The following TENM3 variants were observed in gnomAD, a reference collection of about 807,000 sequenced individuals.
TENM3 encodes the protein teneurin transmembrane protein 3, also known as teneurin-3.
In TENM3, 63 loss-of-function variants were observed where a neutral mutation model predicts 255.1. The observed-to-expected ratio is 0.25, with a 90% CI of 0.20 to 0.30. The LOEUF is 0.30. Ranked by LOEUF, TENM3 falls within the 10% of genes least tolerant of loss-of-function variation. TENM3 has a pLI of 1.00. For missense variants in TENM3, 2,929 were observed against 3,461.1 expected (o/e 0.85, Z 3.86); for synonymous variants, 1,306 against 1,322.3 (o/e 0.99, Z 0.27).
intron 3 of TENM3, among the ~76,000 whole-genome samples, chr4:182,386,920 G>A (rs1014279962): frequency 6.6e-6 from 1 of 152,246 alleles, no homozygotes; most frequent in African/African-American, 2.4e-5. Flanking sequence ...GACCGCCCAA[G>A]GGCTGAGGAG....
At chr4:182,667,785 A>G (rs1269451044) in intron 6 of TENM3, among the ~76,000 whole-genome samples, 1 of 140,830 alleles carries the variant, frequency 7.1e-6, no homozygotes, top group African/African-American at 2.6e-5. Context: ...GGGGTCACAC[A>G]CCGGGGCCTA....
At chr4:182,139,221 G>GC (rs999566247), upstream of TENM3, among the ~76,000 whole-genome samples, 14 of 152,182 alleles carry the variant, frequency 9.2e-5, no homozygotes, top group Admixed American at 7.9e-4. Context: ...TGGAAGCACT[G>GC]CCAACGGGAG....
chr4:182,008,001 T>C, the TENM3 span, among the ~76,000 whole-genome samples: 1 of 152,226 alleles, frequency 6.6e-6, no homozygotes, highest in Non-Finnish European at 1.5e-5. Flanking sequence ...TGGCTGGATA[T>C]GAAATTCTGG....
chr4:182,635,593 C>T (rs1025319171), intron 5 of TENM3, among the ~76,000 whole-genome samples: 3 of 152,038 alleles, frequency 2.0e-5, no homozygotes, highest in South Asian at 2.1e-4. Flanking sequence ...TATAGCAAAC[C>T]GGAGAACTAC....
the TENM3 span, among the ~76,000 whole-genome samples, chr4:182,097,560 T>A: frequency 6.6e-6 from 1 of 152,142 alleles, no homozygotes; most frequent in African/African-American, 2.4e-5. Context: ...AACTGGGGAT[T>A]TGTAGATTTA....
At chr4:181,916,386 G>A in the TENM3 span, among the ~76,000 whole-genome samples, 9 of 151,994 alleles carry the variant, frequency 5.9e-5, no homozygotes, top group Admixed American at 6.6e-5. Context: ...ACGTAAAACC[G>A]GCTAATAAAC....
At chr4:182,360,524 T>G (rs1201469287) in intron 3 of TENM3, among the ~76,000 whole-genome samples, 1 of 151,308 alleles carries the variant, frequency 6.6e-6, no homozygotes, top group African/African-American at 2.4e-5. Flanking sequence ...GTCTGTTTTA[T>G]CAGAGACTAG....
At chr4:182,709,873 T>G (rs1341281387) in intron 12 of TENM3, among the ~76,000 whole-genome samples, 1 of 152,204 alleles carries the variant, frequency 6.6e-6, no homozygotes, top group Admixed American at 6.5e-5. Context: ...TGTTAAGAGT[T>G]GCAAATATTT....
chr4:182,333,695 T>C (rs946225533), intron 2 of TENM3, among the ~76,000 whole-genome samples: 1 of 152,188 alleles, frequency 6.6e-6, no homozygotes, highest in Non-Finnish European at 1.5e-5. Context: ...CTCACAATTA[T>C]TATTCAAAAT....
At chr4:182,500,961 T>A (rs1009241068) in intron 3 of TENM3, among the ~76,000 whole-genome samples, 1 of 152,134 alleles carries the variant, frequency 6.6e-6, no homozygotes, top group Non-Finnish European at 1.5e-5. Flanking sequence ...CAACCTAATA[T>A]TTCTGGGTGG....
At chr4:182,360,541 A>C (rs954146976) in intron 3 of TENM3, among the ~76,000 whole-genome samples, 1 of 151,622 alleles carries the variant, frequency 6.6e-6, no homozygotes, top group Non-Finnish European at 1.5e-5. Flanking sequence ...CTAGGATTGC[A>C]ACCCCTGCCT....
intron 3 of TENM3, among the ~76,000 whole-genome samples, chr4:182,508,146 G>A (rs922015602): frequency 2.0e-5 from 3 of 152,264 alleles, no homozygotes; most frequent in Non-Finnish European, 1.5e-5. Flanking sequence ...GCTGTTATAA[G>A]GATGAGACAT....
rs80290660 is a variant in TENM3, at chr4:182,340,951, C to T, written c.233-5700C>T. 0.02 allele frequency among the ~76,000 whole-genome samples: 3,056 copies of T among 152,104 alleles called. 232 individuals carry two copies. The East Asian group carries it at 0.24, about 12-fold the overall frequency. ...TTATATTTATTCATCCATTTTTTCC[C>T]ATATTCAATTTTGGGGTTACTGTAG... On this transcript the variant is annotated intron_variant, in intron 2 of 27. Transcript: ENST00000511685.
chr4:181,712,846 T>C, the TENM3 span, among the ~76,000 whole-genome samples: 1 of 152,190 alleles, frequency 6.6e-6, no homozygotes, highest in African/African-American at 2.4e-5. Context: ...AGTAACAGAA[T>C]CCTCAGCTAA....
intron 22 of TENM3, among the ~76,000 whole-genome samples, chr4:182,764,490 G>A (rs1188072670): frequency 6.6e-6 from 1 of 152,206 alleles, no homozygotes; most frequent in East Asian, 1.9e-4. Context: ...AAATCCGATT[G>A]AGAACTGGGG....
At chr4:182,596,517 G>A (rs892565069) in intron 3 of TENM3, among the ~76,000 whole-genome samples, 2 of 152,136 alleles carry the variant, frequency 1.3e-5, no homozygotes, top group Non-Finnish European at 2.9e-5. Flanking sequence ...AACAGAGGTG[G>A]CATCACCTTT....
intron 4 of TENM3, among the ~76,000 whole-genome samples, chr4:182,605,786 C>T (rs1053754942): frequency 6.6e-6 from 1 of 152,116 alleles, no homozygotes; most frequent in African/African-American, 2.4e-5. Context: ...TAATTCAGTG[C>T]CTAAGCTCTG....
At chr4:181,736,486 G>C in the TENM3 span, among the ~76,000 whole-genome samples, 1 of 151,814 alleles carries the variant, frequency 6.6e-6, no homozygotes, top group African/African-American at 2.4e-5. Flanking sequence ...CACGAGTATA[G>C]AAAACATGGC....
chr4:182,187,949 A>G (rs1165143226), intron 1 of TENM3, among the ~76,000 whole-genome samples: 1 of 152,146 alleles, frequency 6.6e-6, no homozygotes, highest in Non-Finnish European at 1.5e-5. Context: ...AGCTTGTGGC[A>G]TGTTAACAGC....
Sources: allele counts gnomAD v4.1 joint callset (sites outside exome capture counted in the v4.1 genomes callset), GRCh38; gene constraint gnomAD v4.1.1; transcripts MANE v1.5; gene names NCBI Gene and HGNC (gene_info 2026-07-23, HGNC 2026-07-21).